Variants in PKD1L1 observed in about 807,000 individuals in gnomAD.
PKD1L1 encodes the protein polycystin-1-like protein 1.
PKD1L1 carries 236 observed loss-of-function variants against 323.4 expected under a neutral mutation model. The ratio of observed to expected loss-of-function variants is 0.73; its 90% CI spans 0.66 to 0.81. The LOEUF (loss-of-function observed/expected upper bound fraction) is 0.81, where lower values mean the gene tolerates loss of function less well. Ranked by LOEUF, PKD1L1 falls within the 40% of genes least tolerant of loss-of-function variation. The pLI, the probability that PKD1L1 is intolerant of heterozygous loss-of-function variation, is 0.00. For synonymous variants in PKD1L1, 1,344 were observed against 1,335.0 expected, an observed-to-expected ratio of 1.01 and a Z score of -0.15; for missense variants, 3,320 against 3,508.0, an observed-to-expected ratio of 0.95 and a Z score of 1.35.
At chr7:47,802,043 T>C (rs1784674328) in intron 53 of PKD1L1, among the ~76,000 whole-genome samples, 1 of 152,008 alleles carries the variant, frequency 6.6e-6, no homozygotes, top group Non-Finnish European at 1.5e-5. Context: ...TACAAAAAAT[T>C]AGCCACACAT....
intron 8 of PKD1L1, 91 bp from the exon 9 acceptor site, chr7:47,908,341 A>G: frequency 8.1e-7 from 1 of 1,227,804 alleles, no homozygotes; most frequent in African/African-American, 1.5e-5. Context: ...TGGGGTGATT[A>G]ATATGGGAAC....
At position 47,792,750 on chromosome 7, in the gene PKD1L1, C is replaced by A; in HGVS notation, c.8403G>T (p.Met2801Ile). The A allele has an allele frequency of 6.2e-7, 1 of 1,614,016 alleles. No homozygotes were observed. The highest frequency in any genetic ancestry group is 8.5e-7 in the Non-Finnish European group (1 of 1,179,980). Residue 2801 changes from methionine (M) to isoleucine (I), a missense_variant, in exon 56 of 57, where the codon ATG becomes ATT. Coordinates refer to ENST00000289672, the MANE Select transcript of PKD1L1 (RefSeq NM_138295.5). ...GGCTGTCGGACAAACCATTAATCTT[C>A]ATCAGAAGTTCGTCTAACAGATTTG... ...EFANLLDELL[M>I]KINGLSDSLQ... is the part of the protein sequence containing the mutation.
At chr7:47,775,546 G>T (rs1260009685) in intron 56 of PKD1L1, among the ~76,000 whole-genome samples, 1 of 151,686 alleles carries the variant, frequency 6.6e-6, no homozygotes, top group Non-Finnish European at 1.5e-5. Flanking sequence ...ATGAATCAAA[G>T]AATAAATCAA....
At chr7:47,838,876 C>CA (rs57858359) in intron 36 of PKD1L1, among the ~76,000 whole-genome samples, 42,145 of 85,352 alleles carry the variant, frequency 0.49, 9,743 homozygotes, top group Middle Eastern at 0.54. Flanking sequence ...GACTCCATCT[C>CA]AAAAAAAAAA....
At chr7:47,778,652 GA>G (rs138058273) in intron 56 of PKD1L1, among the ~76,000 whole-genome samples, 13,945 of 152,208 alleles carry the variant, frequency 0.092, 821 homozygotes, top group East Asian at 0.2. Context: ...AAGGGCAATT[GA>G]AATGAGACTA....
chr7:47,792,313 GGT>G (rs1491092715), intron 56 of PKD1L1, among the ~76,000 whole-genome samples: 1 of 149,160 alleles, frequency 6.7e-6, no homozygotes, highest in Non-Finnish European at 1.5e-5. Flanking sequence ...TAGATTTCTG[GGT>G]TTTTTTTTGT....
At chr7:47,922,752 T>G (rs1433189678) in intron 7 of PKD1L1, among the ~76,000 whole-genome samples, 2 of 146,976 alleles carry the variant, frequency 1.4e-5, no homozygotes, top group Admixed American at 1.3e-4. Flanking sequence ...GTTGGGGAGG[T>G]GGGGGGCAGC....
intron 48 of PKD1L1, 42 bp from the exon 49 acceptor site, chr7:47,813,335 C>T: frequency 6.2e-7 from 1 of 1,605,508 alleles, no homozygotes; most frequent in Non-Finnish European, 8.5e-7. Flanking sequence ...GATACTATTC[C>T]CAAGGCTACC....
intron 53 of PKD1L1, among the ~76,000 whole-genome samples, chr7:47,802,392 A>G (rs545480989): frequency 3.2e-4 from 49 of 152,278 alleles, no homozygotes; most frequent in African/African-American, 1.0e-3. Flanking sequence ...AGTGTGGGAC[A>G]GCCAGGTTCA....
intron 31 of PKD1L1, among the ~76,000 whole-genome samples, 163 bp downstream of exon 31, chr7:47,852,964 T>C (rs1400077814): frequency 6.6e-6 from 1 of 152,026 alleles, no homozygotes; most frequent in African/African-American, 2.4e-5. Context: ...GCAGTTTCCA[T>C]GTGTGGGATC....
intron 24 of PKD1L1, among the ~76,000 whole-genome samples, chr7:47,868,752 G>A (rs534226694): frequency 2.0e-5 from 3 of 152,176 alleles, no homozygotes; most frequent in Non-Finnish European, 4.4e-5. Flanking sequence ...GCACATGCCT[G>A]TAATACCAGC....
intron 33 of PKD1L1, among the ~76,000 whole-genome samples, chr7:47,844,314 G>A (rs930902835): frequency 3.9e-5 from 6 of 152,176 alleles, no homozygotes; most frequent in African/African-American, 1.4e-4. Flanking sequence ...AAGTAAGGTA[G>A]AGTTTCTTAC....
At position 47,908,234 on chromosome 7, in the gene PKD1L1, G is replaced by A. The variant is rs752946939; in HGVS notation, c.1245C>T (p.Leu415=). 1.9e-6 allele frequency: 3 copies of A among 1,613,740 alleles called. No homozygotes were observed. The South Asian group carries it at 3.3e-5, about 18-fold the overall frequency. The part of the protein sequence containing the change: ...SAFVTKGVYM[L]KAVIYNEFHG... ...GAAACTCGTTATAAATAACAGCCTTGAGCATATAGACTCCTTCTGGAAAAA... is the reference window on the plus strand; with the variant it reads ...GAAACTCGTTATAAATAACAGCCTTAAGCATATAGACTCCTTCTGGAAAAA... Residue 415 remains leucine (L), a synonymous_variant, in exon 9 of 57, where the codon CTC becomes CTT. Coordinates refer to ENST00000289672, the MANE Select transcript of PKD1L1 (RefSeq NM_138295.5).
intron 43 of PKD1L1, 56 bp downstream of exon 43, chr7:47,829,984 C>T: frequency 6.7e-7 from 1 of 1,496,026 alleles, no homozygotes. Context: ...ATTTCCCCTT[C>T]CCATCTAGGT....
intron 22 of PKD1L1, among the ~76,000 whole-genome samples, chr7:47,877,172 C>A (rs2348659): frequency 6.6e-6 from 1 of 151,824 alleles, no homozygotes; most frequent in South Asian, 2.1e-4. Flanking sequence ...CACGTGCCTG[C>A]CTTTTTCTTG....
At chr7:47,872,219 G>A (rs765961917) in intron 24 of PKD1L1, among the ~76,000 whole-genome samples, 2 of 152,148 alleles carry the variant, frequency 1.3e-5, no homozygotes, top group Non-Finnish European at 2.9e-5. Context: ...CCAGAGCAAG[G>A]CTGGAGAGGC....
intron 7 of PKD1L1, among the ~76,000 whole-genome samples, chr7:47,920,079 G>A (rs964373957): frequency 6.6e-6 from 1 of 152,100 alleles, no homozygotes; most frequent in African/African-American, 2.4e-5. Context: ...AACTGTCACT[G>A]TTTTCTGATG....
chr7:47,880,430 C>T (rs1405936193), intron 21 of PKD1L1, among the ~76,000 whole-genome samples: 2 of 150,124 alleles, frequency 1.3e-5, no homozygotes, highest in African/African-American at 2.5e-5. Flanking sequence ...TACAGGCACC[C>T]GCCACCATGC....
At chr7:47,863,395 T>C (rs969153188) in intron 26 of PKD1L1, among the ~76,000 whole-genome samples, 1 of 151,166 alleles carries the variant, frequency 6.6e-6, no homozygotes, top group African/African-American at 2.4e-5. Flanking sequence ...ATCAGATGGA[T>C]GTAAAGTGGA....
Sources: allele counts gnomAD v4.1 joint callset (sites outside exome capture counted in the v4.1 genomes callset), GRCh38; gene constraint gnomAD v4.1.1; transcripts MANE v1.5; gene names NCBI Gene and HGNC (gene_info 2026-07-23, HGNC 2026-07-21).